Variants in ASCC3 observed in about 807,000 individuals in gnomAD.
ASCC3 encodes the protein activating signal cointegrator 1 complex subunit 3.
In ASCC3, 158 loss-of-function variants were observed where a neutral mutation model predicts 256.3. That is an observed-to-expected ratio of 0.62 (90% CI 0.54 to 0.70). The LOEUF (loss-of-function observed/expected upper bound fraction) is 0.70, where lower values mean the gene tolerates loss of function less well. Ranked by LOEUF, ASCC3 falls within the 30% of genes least tolerant of loss-of-function variation. The probability of loss-of-function intolerance (pLI) is 0.00; values close to 1 mark genes in which losing one functional copy is unlikely to be tolerated. For missense variants in ASCC3, 2,259 were observed against 2,626.0 expected (o/e 0.86, Z 3.05); for synonymous variants, 948 against 883.4 (o/e 1.07, Z -1.30).
At chr6:100,653,100 T>A (rs1428488094) in intron 17 of ASCC3, among the ~76,000 whole-genome samples, 1 of 152,174 alleles carries the variant, frequency 6.6e-6, no homozygotes, top group East Asian at 1.9e-4. Context: ...ATTAAAATTA[T>A]CAATGTGCAT....
chr6:100,628,100 AAACAAAAAAAAAG>A (rs1774337860), intron 27 of ASCC3, 113 bp from the exon 28 acceptor site: 15 of 1,156,306 alleles, frequency 1.3e-5, no homozygotes, highest in Non-Finnish European at 1.8e-5. Flanking sequence ...ACAAAAAAAA[AAACAAAAAAAAAG>A]CTAAAGCTAG....
intron 37 of ASCC3, chr6:100,530,546 T>G: frequency 1.3e-6 from 1 of 784,476 alleles, no homozygotes; most frequent in South Asian, 1.3e-5. Flanking sequence ...AGCAGTTCTG[T>G]GATGGCCTGG....
chr6:100,662,003 C>T lies in ASCC3; in HGVS notation c.2506G>A (p.Gly836Ser). The change falls in exon 16 of 42, where the codon GGC becomes AGC. Residue 836 changes from glycine to serine, a missense_variant. By Grantham distance (56) the Gly-to-Ser change is moderately conservative (BLOSUM62 0). This residue lies in a region of ASCC3 where 1,839 missense variants were observed against 2,206.7 expected (regional missense o/e 0.83). Coordinates refer to ENST00000369162, the MANE Select transcript of ASCC3 (RefSeq NM_006828.4). ...AAAATTCCAAGGTCAACAAAGGAGC[C>T]TCTTTTTGCAGCATATATTTGTGTT... is the stretch of plus-strand genomic sequence containing the variant. The part of the protein sequence containing the change: ...KGTQIYAAKR[G>S]SFVDLGILDV... 6.2e-7 allele frequency: 1 copy of T among 1,613,204 alleles called. No homozygotes were observed. Among genetic ancestry groups the T allele is most frequent in the South Asian group, 1.1e-5 (1 of 91,066 alleles).
intron 25 of ASCC3, among the ~76,000 whole-genome samples, chr6:100,631,588 G>C (rs1480327027): frequency 6.6e-6 from 1 of 151,696 alleles, no homozygotes; most frequent in Non-Finnish European, 1.5e-5. Flanking sequence ...TTAGGGTTCT[G>C]ATAAAAAATT....
intron 6 of ASCC3, among the ~76,000 whole-genome samples, 179 bp downstream of exon 6, chr6:100,800,121 A>C (rs1361399674): frequency 1.3e-5 from 2 of 152,086 alleles, no homozygotes; most frequent in Admixed American, 1.3e-4. Context: ...CTAATTAAGC[A>C]GACAGACCAT....
At chr6:100,816,380 C>T (rs1384917361) in intron 4 of ASCC3, among the ~76,000 whole-genome samples, 2 of 152,010 alleles carry the variant, frequency 1.3e-5, no homozygotes, top group African/African-American at 4.8e-5. Context: ...AAAAAAACTA[C>T]CACTCGACCC....
intron 12 of ASCC3, among the ~76,000 whole-genome samples, chr6:100,717,715 T>A (rs1048041201): frequency 6.6e-6 from 1 of 152,094 alleles, no homozygotes; most frequent in African/African-American, 2.4e-5. Context: ...ATCATCACAA[T>A]ATATATTACT....
intron 8 of ASCC3, among the ~76,000 whole-genome samples, chr6:100,785,674 A>C (rs1434393698): frequency 6.6e-6 from 1 of 152,148 alleles, no homozygotes; most frequent in Non-Finnish European, 1.5e-5. Flanking sequence ...GGCCTCCCAA[A>C]GTGCTAGGAT....
intron 8 of ASCC3, among the ~76,000 whole-genome samples, chr6:100,773,329 C>T (rs1782030716): frequency 6.6e-6 from 1 of 152,050 alleles, no homozygotes; most frequent in South Asian, 2.1e-4. Context: ...CAGCTATTTC[C>T]AGTTTTTATA....
chr6:100,515,228 C>T (rs1160883931), intron 39 of ASCC3, among the ~76,000 whole-genome samples: 2 of 151,966 alleles, frequency 1.3e-5, no homozygotes, highest in Admixed American at 6.6e-5. Context: ...TGTTTTTATT[C>T]ATAATTTTGA....
chr6:100,766,749 C>T, intron 9 of ASCC3, 44 bp from the exon 10 acceptor site: 1 of 1,611,898 alleles, frequency 6.2e-7, no homozygotes, highest in Non-Finnish European at 8.5e-7. Flanking sequence ...CAAAAACTAC[C>T]ATGTCATTTG....
At chr6:100,644,889 T>C (rs1240175349) in intron 22 of ASCC3, among the ~76,000 whole-genome samples, 1 of 152,174 alleles carries the variant, frequency 6.6e-6, no homozygotes, top group African/African-American at 2.4e-5. Flanking sequence ...CCTGAAAACA[T>C]TTGAGAAGTA....
At chr6:100,738,224 T>C (rs1005869648) in intron 10 of ASCC3, among the ~76,000 whole-genome samples, 4 of 152,244 alleles carry the variant, frequency 2.6e-5, no homozygotes, top group Admixed American at 2.6e-4. Flanking sequence ...TTAGTTTAAT[T>C]AGATACCATT....
intron 14 of ASCC3, among the ~76,000 whole-genome samples, chr6:100,670,457 T>C (rs1454604601): frequency 2.0e-5 from 3 of 151,962 alleles, no homozygotes; most frequent in Non-Finnish European, 4.4e-5. Context: ...AGATTACTTA[T>C]AATACCTAAT....
chr6:100,720,057 G>T (rs551219893), intron 11 of ASCC3, among the ~76,000 whole-genome samples: 1 of 152,000 alleles, frequency 6.6e-6, no homozygotes, highest in Admixed American at 6.6e-5. Context: ...TACAAATGTT[G>T]AAGTGTGATG....
intron 35 of ASCC3, 78 bp downstream of exon 35, chr6:100,589,870 T>C (rs1402226072): frequency 4.4e-6 from 7 of 1,591,136 alleles, no homozygotes; most frequent in Non-Finnish European, 6.0e-6. Flanking sequence ...TTAAAAAATT[T>C]TGATAGTATT....
rs78559517 is a variant in ASCC3, at chr6:100,650,532, A to G, written c.3252+6T>C. Reference sequence around the variant, plus strand: ...AGAGAAAACTGGAAGGGAATAAGATACTTACCTGTGCAACATATGCAGAAT... The same window carrying G: ...AGAGAAAACTGGAAGGGAATAAGATGCTTACCTGTGCAACATATGCAGAAT... On this transcript the variant is annotated splice_donor_region_variant and intron_variant, in intron 20 of 41. Transcript: ENST00000369162. 18 of 1,611,960 alleles carry G rather than the reference A, an allele frequency of 1.1e-5. No homozygotes were observed. The East Asian group carries it at 3.8e-4, about 34-fold the overall frequency.
At chr6:100,763,355 A>G (rs142455695) in intron 10 of ASCC3, among the ~76,000 whole-genome samples, 15 of 152,342 alleles carry the variant, frequency 9.8e-5, no homozygotes, top group Non-Finnish European at 2.1e-4. Flanking sequence ...GCCCTTACAC[A>G]GTCAAAAATT....
intron 6 of ASCC3, among the ~76,000 whole-genome samples, 176 bp downstream of exon 6, chr6:100,800,124 C>G (rs1408221925): frequency 6.6e-6 from 1 of 152,112 alleles, no homozygotes; most frequent in African/African-American, 2.4e-5. Context: ...ATTAAGCAGA[C>G]AGACCATTGC....
Sources: gnomAD v4.1 joint callset for allele counts (sites outside exome capture counted in the v4.1 genomes callset) on GRCh38, gnomAD v4.1.1 for gene constraint, gnomAD v4.1.1 regional missense constraint, MANE v1.5 for transcripts, NCBI Gene and HGNC (gene_info 2026-07-23, HGNC 2026-07-21) for gene names.